GPC5: variants seen among roughly 807,000 people sequenced by gnomAD.
GPC5 encodes the protein glypican 5.
In GPC5, 47 loss-of-function variants were observed where a neutral mutation model predicts 53.9. The observed-to-expected ratio is 0.87, with a 90% CI of 0.69 to 1.11. The LOEUF is 1.11. Among genes scored for constraint, GPC5 ranks in the 50% most tolerant of loss-of-function variants. The pLI, the probability that GPC5 is intolerant of heterozygous loss-of-function variation, is 0.00. For synonymous variants in GPC5, 286 were observed against 263.3 expected (o/e 1.09, Z -0.84); for missense variants, 748 against 713.1 (o/e 1.05, Z -0.56).
At chr13:92,264,243 A>C (rs1276511637) in intron 7 of GPC5, among the ~76,000 whole-genome samples, 1 of 152,126 alleles carries the variant, frequency 6.6e-6, no homozygotes, top group East Asian at 1.9e-4. Flanking sequence ...AATAACAAGA[A>C]AATTAATAAA....
intron 7 of GPC5, among the ~76,000 whole-genome samples, chr13:92,836,551 C>A (rs1327313921): frequency 1.3e-5 from 2 of 152,118 alleles, no homozygotes; most frequent in African/African-American, 4.8e-5. Flanking sequence ...ACTGGTTATA[C>A]AGTATGCTCA....
intron 5 of GPC5, among the ~76,000 whole-genome samples, chr13:91,905,297 A>G (rs537192265): frequency 6.6e-6 from 1 of 151,750 alleles, no homozygotes; most frequent in Non-Finnish European, 1.5e-5. Context: ...TTCTCTCTCT[A>G]TCTCTCTCTA....
chr13:91,540,516 T>C (rs1477436920), intron 2 of GPC5, among the ~76,000 whole-genome samples: 1 of 152,156 alleles, frequency 6.6e-6, no homozygotes, highest in Non-Finnish European at 1.5e-5. Context: ...TTGGGGGTGA[T>C]GAGAATGATC....
At chr13:92,042,308 G>A (rs558713935) in intron 6 of GPC5, among the ~76,000 whole-genome samples, 4 of 152,234 alleles carry the variant, frequency 2.6e-5, no homozygotes, top group African/African-American at 9.6e-5. Context: ...TTGATGACAG[G>A]TGGGGCAAAA....
intron 7 of GPC5, among the ~76,000 whole-genome samples, chr13:92,255,120 T>A (rs2042718309): frequency 6.6e-6 from 1 of 152,202 alleles, no homozygotes; most frequent in Admixed American, 6.6e-5. Context: ...AATACTACAC[T>A]GTTTTATATG....
chr13:91,771,005 G>A (rs2138695301), intron 5 of GPC5, among the ~76,000 whole-genome samples: 1 of 152,244 alleles, frequency 6.6e-6, no homozygotes, highest in African/African-American at 2.4e-5. Context: ...TCTTTGCAGA[G>A]AAATGCATAC....
intron 4 of GPC5, among the ~76,000 whole-genome samples, chr13:91,732,340 A>T (rs933503733): frequency 6.7e-6 from 1 of 150,338 alleles, no homozygotes; most frequent in Non-Finnish European, 1.5e-5. Flanking sequence ...TTCTCTTGAA[A>T]ATGTCGGTTC....
chr13:92,331,100 G>A (rs1277973749), intron 7 of GPC5, among the ~76,000 whole-genome samples: 3 of 151,932 alleles, frequency 2.0e-5, no homozygotes, highest in Admixed American at 6.6e-5. Flanking sequence ...AATAAGGATC[G>A]GTACATGTCG....
chr13:91,779,612 C>T (rs1037209140), intron 5 of GPC5, among the ~76,000 whole-genome samples: 1 of 152,126 alleles, frequency 6.6e-6, no homozygotes. Flanking sequence ...CTGCCTGGCT[C>T]GACCTCCCAA....
At chr13:91,465,411 A>G (rs773028846) in intron 2 of GPC5, among the ~76,000 whole-genome samples, 1 of 152,108 alleles carries the variant, frequency 6.6e-6, no homozygotes, top group Non-Finnish European at 1.5e-5. Flanking sequence ...AAATGGAATC[A>G]TACATCATGT....
At chr13:91,799,709 T>C (rs1176637568) in intron 5 of GPC5, among the ~76,000 whole-genome samples, 1 of 152,168 alleles carries the variant, frequency 6.6e-6, no homozygotes, top group Non-Finnish European at 1.5e-5. Context: ...TTGAACATTA[T>C]AGATCCTCCA....
intron 7 of GPC5, among the ~76,000 whole-genome samples, chr13:92,526,653 G>C (rs1461825475): frequency 1.3e-5 from 2 of 151,832 alleles, no homozygotes; most frequent in Non-Finnish European, 2.9e-5. Flanking sequence ...TGTTTTAGGG[G>C]GATGGATACC....
At chr13:92,807,910 G>A (rs1345212883) in intron 7 of GPC5, among the ~76,000 whole-genome samples, 2 of 151,996 alleles carry the variant, frequency 1.3e-5, no homozygotes, top group African/African-American at 4.8e-5. Context: ...AAAATTAAAT[G>A]GGCAATTGAT....
chr13:92,412,980 A>G (rs1876115382), intron 7 of GPC5, among the ~76,000 whole-genome samples: 1 of 152,250 alleles, frequency 6.6e-6, no homozygotes, highest in Non-Finnish European at 1.5e-5. Flanking sequence ...AGATAAATGC[A>G]GAATTTAAAA....
chr13:92,717,314 C>T (rs1378841796), intron 7 of GPC5, among the ~76,000 whole-genome samples: 2 of 152,060 alleles, frequency 1.3e-5, no homozygotes, highest in African/African-American at 2.4e-5. Context: ...AGCTACAGCC[C>T]TTGCCTCAGA....
chr13:91,441,517 A>T lies in GPC5; in HGVS notation c.164-7244A>T, dbSNP rs115091454. Among the ~76,000 whole-genome samples, 199 of 152,302 alleles carry T rather than the reference A, an allele frequency of 1.3e-3. 1 individual carries two copies. The highest frequency in any genetic ancestry group is 4.4e-3 in the African/African-American group (182 of 41,556). On this transcript the variant is annotated intron_variant, in intron 1 of 7. Transcript: ENST00000377067. ...CTTGAAAATGACTATGGCATTTGCG[A>T]ATCTTGCACCTTTGTACCATCGAAT... is the stretch of plus-strand genomic sequence containing the variant.
intron 5 of GPC5, among the ~76,000 whole-genome samples, chr13:91,893,946 T>C (rs2039414758): frequency 6.9e-6 from 1 of 144,804 alleles, no homozygotes; most frequent in Admixed American, 6.8e-5. Flanking sequence ...TTTACCAGGT[T>C]TTTTTTTTTT....
intron 2 of GPC5, among the ~76,000 whole-genome samples, chr13:91,461,836 T>C (rs1566420294): frequency 6.6e-6 from 1 of 152,218 alleles, no homozygotes; most frequent in East Asian, 1.9e-4. Flanking sequence ...TCCAAACTCC[T>C]AGATCCCTTC....
chr13:92,633,305 G>A (rs947221124), intron 7 of GPC5, among the ~76,000 whole-genome samples: 10 of 152,020 alleles, frequency 6.6e-5, no homozygotes, highest in African/African-American at 1.7e-4. Context: ...ACACCCAAAC[G>A]GTATAAATAC....
Sources: allele counts gnomAD v4.1 joint callset (sites outside exome capture counted in the v4.1 genomes callset), GRCh38; gene constraint gnomAD v4.1.1; transcripts MANE v1.5; gene names NCBI Gene and HGNC (gene_info 2026-07-23, HGNC 2026-07-21).